The following ARHGEF10L variants were observed in gnomAD, a reference collection of about 807,000 sequenced individuals.
ARHGEF10L encodes the protein Rho guanine nucleotide exchange factor 10 like, also known as rho guanine nucleotide exchange factor 10-like protein.
A neutral mutation model predicts 141.2 loss-of-function variants in ARHGEF10L; 69 were observed. The observed-to-expected ratio is 0.49, with a 90% CI of 0.40 to 0.60. ARHGEF10L has a LOEUF of 0.60. Ranked by LOEUF, ARHGEF10L falls within the 20% of genes least tolerant of loss-of-function variation. The pLI, the probability that ARHGEF10L is intolerant of heterozygous loss-of-function variation, is 0.00. For missense variants in ARHGEF10L, 1,482 were observed against 1,734.3 expected, an observed-to-expected ratio of 0.85 and a Z score of 2.58; for synonymous variants, 711 against 718.5, an observed-to-expected ratio of 0.99 and a Z score of 0.17.
At chr1:17,687,979 C>A (rs541820124) in intron 27 of ARHGEF10L, among the ~76,000 whole-genome samples, 1 of 152,200 alleles carries the variant, frequency 6.6e-6, no homozygotes, top group East Asian at 1.9e-4. Context: ...CAGCCTGGGG[C>A]GCTCAGGAAA....
rs200943209 is a variant in ARHGEF10L at position 17,697,326 on chromosome 1, G to C, written c.3786G>C (p.Pro1262=). 7.4e-6 allele frequency: 12 copies of C among 1,611,712 alleles called. No individual in the cohort carries two copies. In the South Asian group the frequency reaches 1.1e-4, roughly 15 times the overall value. Residue 1262 remains proline (P), a synonymous_variant, in exon 29 of 29, where the codon CCG becomes CCC. Coordinates refer to ENST00000361221, the MANE Select transcript of ARHGEF10L (RefSeq NM_018125.4). The surrounding 1 kb of genome is among the most constrained non-coding windows in gnomAD (Gnocchi z 4.8). ...TGGGCAGCAGTGGGAGGCAGGCCCC[G>C]TGTGGGGAGACGGACAGCACCCTCC... ...SALGSSGRQA[P]CGETDSTLLI...
chr1:17,565,445 T>C (rs185465003), intron 1 of ARHGEF10L, among the ~76,000 whole-genome samples: 1 of 152,350 alleles, frequency 6.6e-6, no homozygotes, highest in African/African-American at 2.4e-5. Flanking sequence ...TCCATGCTTT[T>C]GGTCACCCTT....
upstream of ARHGEF10L, among the ~76,000 whole-genome samples, chr1:17,535,594 T>C (rs2076564434): frequency 6.6e-6 from 1 of 151,976 alleles, no homozygotes; most frequent in Admixed American, 6.6e-5. Flanking sequence ...ATGCCCTCAT[T>C]CTCTCTTTCC....
intron 18 of ARHGEF10L, 49 bp downstream of exon 18, chr1:17,635,065 A>G (rs1336405670): frequency 2.5e-6 from 4 of 1,606,198 alleles, no homozygotes; most frequent in Admixed American, 3.4e-5. Context: ...CGCCCTCACC[A>G]GCCACAGCCT....
intron 25 of ARHGEF10L, among the ~76,000 whole-genome samples, chr1:17,660,741 A>G (rs2062571195): frequency 6.6e-6 from 1 of 152,312 alleles, no homozygotes; most frequent in African/African-American, 2.4e-5. Flanking sequence ...GCTGGCCACA[A>G]GAGCTGGTGC....
rs1293089452 is a variant in ARHGEF10L, at chr1:17,625,873, A to T, written c.1318-83A>T. The T allele has an allele frequency of 4.8e-6, 6 of 1,249,936 alleles. No homozygotes were observed. The highest frequency in any genetic ancestry group is 6.9e-6 in the Non-Finnish European group (6 of 864,240). The allele number at this position is 1,249,936 out of a possible 1,614,324, so 77.4% of individuals were successfully genotyped here. The stretch of plus-strand genomic sequence containing the variant: ...TCTTAGGGCCTGGGGAGAGGAGCCC[A>T]GAATGGGGACAGTGTCTGGACTCTG... On this transcript the variant is annotated intron_variant, in intron 13 of 28. Coordinates refer to ENST00000361221, the MANE Select transcript of ARHGEF10L (RefSeq NM_018125.4). This position sits in a 1 kb window ranked among gnomAD's most constrained non-coding sequence, Gnocchi z 4.5.
At chr1:17,622,347 G>A (rs2060150858) in intron 11 of ARHGEF10L, among the ~76,000 whole-genome samples, 2 of 152,082 alleles carry the variant, frequency 1.3e-5, no homozygotes, top group African/African-American at 4.8e-5. Context: ...GAGTAGGATC[G>A]AGTCCTCTTT....
chr1:17,696,976 G>T lies in ARHGEF10L; in HGVS notation c.3436G>T (p.Asp1146Tyr). Residue 1146 changes from aspartate (D) to tyrosine (Y), a missense_variant, in exon 29 of 29, where the codon GAC (aspartate) becomes TAC (tyrosine). Transcript: ENST00000361221. ...GGCTGAGGGGCCCCGGGCTGAGGAG[G>T]ACAAGCCAGACGGGCAGGCACACGA... is the stretch of plus-strand genomic sequence containing the variant. ...EEAEGPRAEEDKPDGQAHEPM... is the reference protein window; with the variant it reads ...EEAEGPRAEEYKPDGQAHEPM... 6.2e-7 allele frequency: 1 copy of T among 1,612,132 alleles called. No homozygotes were observed. The highest frequency in any genetic ancestry group is 2.2e-5 in the East Asian group (1 of 44,834).
intron 12 of ARHGEF10L, among the ~76,000 whole-genome samples, chr1:17,624,063 C>G (rs1336903667): frequency 6.6e-6 from 1 of 152,188 alleles, no homozygotes; most frequent in Admixed American, 6.5e-5. Context: ...GTTCCCCCTG[C>G]CCTTCTCCTC....
intron 1 of ARHGEF10L, among the ~76,000 whole-genome samples, chr1:17,550,515 C>T (rs1260041853): frequency 7.9e-5 from 12 of 151,930 alleles, no homozygotes; most frequent in African/African-American, 1.9e-4. Context: ...TGGTGGCGGG[C>T]GCCTGTAATC....
At chr1:17,592,107 G>T (rs893176163) in intron 4 of ARHGEF10L, among the ~76,000 whole-genome samples, 2 of 152,130 alleles carry the variant, frequency 1.3e-5, no homozygotes, top group African/African-American at 4.8e-5. Flanking sequence ...GGGGAGTCGT[G>T]GTTGAAAGAG....
In ARHGEF10L at chr1:17,616,164, T is replaced by G; in HGVS notation, c.797T>G (p.Met266Arg). Residue 266 changes from methionine to arginine, a missense_variant, in exon 9 of 29, where the codon ATG becomes AGG. Around this residue, in one of 3 missense-constraint regions of ARHGEF10L, gnomAD observed 392 missense variants for 542.1 expected, o/e 0.72. Transcript: ENST00000361221. ...CTGGAGAAGACACGGATGGCCGTGA[T>G]GCGCAAAGTCTCCTTCCTGCACAGG... The part of the protein sequence containing the change: ...DGLEKTRMAV[M>R]RKVSFLHRKD... 6.2e-7 allele frequency: 1 copy of G among 1,610,356 alleles called. No individual in the cohort carries two copies. The highest frequency in any genetic ancestry group is 8.5e-7 in the Non-Finnish European group (1 of 1,178,082).
chr1:17,545,209 T>C (rs1193265846), intron 1 of ARHGEF10L, among the ~76,000 whole-genome samples: 1 of 152,148 alleles, frequency 6.6e-6, no homozygotes. Flanking sequence ...TGAGAGTATT[T>C]ATATCACAGA....
chr1:17,588,561 G>T (rs948373481), intron 4 of ARHGEF10L, 82 bp downstream of exon 4: 2 of 1,566,328 alleles, frequency 1.3e-6, no homozygotes, highest in African/African-American at 2.7e-5. Context: ...TGGAGCTGAG[G>T]CCCAGAGGAC....
At chr1:17,575,730 G>A (rs1007660498) in intron 1 of ARHGEF10L, among the ~76,000 whole-genome samples, 1 of 152,206 alleles carries the variant, frequency 6.6e-6, no homozygotes, top group Non-Finnish European at 1.5e-5. Flanking sequence ...CAGCGGAGGT[G>A]GCAGGTGGGT....
intron 22 of ARHGEF10L, 147 bp downstream of exon 22, chr1:17,648,822 T>G (rs1360685812): frequency 3.1e-6 from 4 of 1,281,076 alleles, no homozygotes; most frequent in South Asian, 1.6e-5. Flanking sequence ...ACAGATTTGG[T>G]CAAGCCTTTT....
At chr1:17,564,072 C>T (rs2077649904) in intron 1 of ARHGEF10L, among the ~76,000 whole-genome samples, 1 of 152,210 alleles carries the variant, frequency 6.6e-6, no homozygotes, top group African/African-American at 2.4e-5. Context: ...CTTGGTCTGA[C>T]ATCATCGTTA....
chr1:17,553,389 G>A (rs1310967528), intron 1 of ARHGEF10L, among the ~76,000 whole-genome samples: 1 of 152,188 alleles, frequency 6.6e-6, no homozygotes, highest in African/African-American at 2.4e-5. Context: ...ATCTGTAAGA[G>A]TCAAACATTT....
chr1:17,687,757 C>A lies in ARHGEF10L; in HGVS notation c.3184+10C>A. 1 of 1,566,758 alleles carries A rather than the reference C, an allele frequency of 6.4e-7. No individual in the cohort carries two copies. The highest frequency in any genetic ancestry group is 8.7e-7 in the Non-Finnish European group (1 of 1,154,564). On this transcript the variant is annotated intron_variant, in intron 27 of 28. Coordinates refer to ENST00000361221, the MANE Select transcript of ARHGEF10L (RefSeq NM_018125.4). ...ACCTTCCTCCTGCCAGGTGAGGCTGCCTCGGGCACGGGGGAGCGGACAGTC... is the reference window on the plus strand; with the variant it reads ...ACCTTCCTCCTGCCAGGTGAGGCTGACTCGGGCACGGGGGAGCGGACAGTC...
Sources: allele counts gnomAD v4.1 joint callset (sites outside exome capture counted in the v4.1 genomes callset), GRCh38; gene constraint gnomAD v4.1.1; regional missense constraint gnomAD v4.1.1; non-coding constraint Gnocchi (gnomAD v3.1); transcripts MANE v1.5; gene names NCBI Gene and HGNC (gene_info 2026-07-23, HGNC 2026-07-21).